Variants in ZDHHC7 observed in about 807,000 individuals in gnomAD.
ZDHHC7 encodes the protein zDHHC palmitoyltransferase 7.
In ZDHHC7, 12 loss-of-function variants were observed where a neutral mutation model predicts 34.1. The observed-to-expected ratio is 0.35, with a 90% CI of 0.23 to 0.57. The LOEUF (loss-of-function observed/expected upper bound fraction) is 0.57, where lower values mean the gene tolerates loss of function less well. Among genes scored for constraint, ZDHHC7 ranks in the 20% least tolerant of loss-of-function variants. ZDHHC7 has a pLI of 0.84. For missense variants in ZDHHC7, 388 were observed against 402.7 expected (o/e 0.96, Z 0.31); for synonymous variants, 185 against 155.4 (o/e 1.19, Z -1.42).
chr16:85,015,718 C>A (rs1451999317), upstream of ZDHHC7, among the ~76,000 whole-genome samples: 1 of 151,912 alleles, frequency 6.6e-6, no homozygotes, highest in African/African-American at 2.4e-5. Context: ...GGTGGCGTAT[C>A]CCTGTAGTCC....
In ZDHHC7 at chr16:85,002,123, A is replaced by G. The variant is rs538654703; in HGVS notation, c.-103-6116T>C. Among the ~76,000 whole-genome samples the G allele has an allele frequency of 3.9e-5, 6 of 152,290 alleles. No homozygotes were observed. The South Asian group carries it at 1.2e-3, about 32-fold the overall frequency. ...TGCTTTATAACCCGAAGCATCAAGT[A>G]AACATGCACGAGTCCAGACTGATAT... On this transcript the variant is annotated intron_variant, in intron 1 of 7. Transcript: ENST00000313732.
chr16:84,988,905 A>G, intron 3 of ZDHHC7: 1 of 1,547,466 alleles, frequency 6.5e-7, no homozygotes, highest in Non-Finnish European at 8.7e-7. Context: ...AAAATCGCTG[A>G]GCTGGACCTG....
intron 3 of ZDHHC7, among the ~76,000 whole-genome samples, chr16:84,985,088 T>A (rs2072419591): frequency 6.6e-6 from 1 of 152,216 alleles, no homozygotes; most frequent in South Asian, 2.1e-4. Flanking sequence ...CCCACTCATC[T>A]TCTTGTGGGA....
At chr16:85,004,805 T>C (rs1237066932) in intron 1 of ZDHHC7, 1 of 152,156 alleles carries the variant, frequency 6.6e-6, no homozygotes, top group Non-Finnish European at 1.5e-5. Context: ...TGATAAGATC[T>C]GCCAGGGGAG....
rs886383614 is a variant in ZDHHC7, at chr16:84,995,964, T to C, written c.-60A>G. ...AACATCACTTGAACATTTTGTGCCG[T>C]TTCTTCAGGATCTTAAGGTGCATAC... On this transcript the variant is annotated 5_prime_UTR_variant, in exon 2 of 8. Transcript: ENST00000313732. 6.6e-6 allele frequency: 1 copy of C among 152,248 alleles called. No homozygotes were observed. Among genetic ancestry groups the C allele is most frequent in the Non-Finnish European group, 1.5e-5 (1 of 68,044 alleles). 9.4% of individuals were successfully genotyped at this position (152,248 alleles called of 1,614,324 possible).
the ZDHHC7 span, among the ~76,000 whole-genome samples, chr16:85,027,504 G>C: frequency 6.6e-6 from 1 of 152,142 alleles, no homozygotes; most frequent in Non-Finnish European, 1.5e-5. Flanking sequence ...TCACCTGTTT[G>C]CACCGGGCCT....
chr16:84,986,636 A>C (rs1017315267), intron 3 of ZDHHC7, among the ~76,000 whole-genome samples: 22 of 152,122 alleles, frequency 1.4e-4, no homozygotes, highest in Admixed American at 1.4e-3. Context: ...AGCAGGGTTC[A>C]TTGCTCTATC....
intron 4 of ZDHHC7, among the ~76,000 whole-genome samples, chr16:84,980,233 G>T (rs2072350363): frequency 6.6e-6 from 1 of 151,502 alleles, no homozygotes; most frequent in Admixed American, 6.6e-5. Flanking sequence ...CCAAAGTGCT[G>T]GGATTACAGG....
At chr16:84,984,639 T>C (rs1051350984) in intron 3 of ZDHHC7, among the ~76,000 whole-genome samples, 2 of 152,124 alleles carry the variant, frequency 1.3e-5, no homozygotes, top group Non-Finnish European at 2.9e-5. Context: ...ACACATTGGG[T>C]GATCCTCAGG....
At chr16:85,013,391 C>G (rs141992547), upstream of ZDHHC7, among the ~76,000 whole-genome samples, 1 of 151,968 alleles carries the variant, frequency 6.6e-6, no homozygotes, top group African/African-American at 2.4e-5. Flanking sequence ...TACAGGGGCC[C>G]GCCACCACGT....
chr16:85,015,235 G>C (rs747629896), upstream of ZDHHC7, among the ~76,000 whole-genome samples: 1 of 151,870 alleles, frequency 6.6e-6, no homozygotes, highest in Non-Finnish European at 1.5e-5. Context: ...AAGTAGCTGG[G>C]ATTACAGGCG....
rs1255789467 is a variant in ZDHHC7 at position 84,990,450 on chromosome 16, G to A, written c.169C>T (p.Leu57=). The A allele has an allele frequency of 2.5e-6, 4 of 1,614,174 alleles. No individual in the cohort carries two copies. The highest frequency in any genetic ancestry group is 3.4e-6 in the Non-Finnish European group (4 of 1,180,022). ...GMICAVMTWL[L]VAYADFVVTF... The stretch of plus-strand genomic sequence containing the variant: ...ACCACGAAGTCTGCATAGGCGACCA[G>A]AAGCCACGTCATGACAGCACAGATC... Residue 57 remains leucine, a synonymous_variant, in exon 3 of 8, where the codon CTG becomes TTG. Transcript: ENST00000313732.
At chr16:85,012,419 A>C (rs758114894), upstream of ZDHHC7, among the ~76,000 whole-genome samples, 5 of 151,886 alleles carry the variant, frequency 3.3e-5, no homozygotes, top group Non-Finnish European at 5.9e-5. Flanking sequence ...TTAAAATAAA[A>C]TTATGACTCT....
chr16:84,987,175 C>T (rs1284539927), intron 3 of ZDHHC7, among the ~76,000 whole-genome samples: 2 of 152,228 alleles, frequency 1.3e-5, no homozygotes, highest in South Asian at 2.1e-4. Context: ...TGGGGCTCTG[C>T]GTACTCCCCC....
At chr16:85,010,496 G>C (rs1244948745) in intron 1 of ZDHHC7, among the ~76,000 whole-genome samples, 1 of 152,090 alleles carries the variant, frequency 6.6e-6, no homozygotes, top group East Asian at 1.9e-4. Context: ...AGATAAATAC[G>C]TGCGCTTAAG....
the ZDHHC7 span, among the ~76,000 whole-genome samples, chr16:85,021,605 C>G: frequency 6.6e-6 from 1 of 151,854 alleles, no homozygotes; most frequent in Non-Finnish European, 1.5e-5. Flanking sequence ...ATAATCCCAG[C>G]TACTCAGAAG....
At chr16:84,979,949 CTTTTTTTTT>C (rs561019555) in intron 4 of ZDHHC7, among the ~76,000 whole-genome samples, 2 of 96,008 alleles carry the variant, frequency 2.1e-5, no homozygotes, top group African/African-American at 4.4e-5. Context: ...ATAGCGTCAC[CTTTTTTTTT>C]TTTTTTTTTT....
intron 3 of ZDHHC7, among the ~76,000 whole-genome samples, chr16:84,985,109 G>C (rs1015904024): frequency 6.6e-6 from 1 of 152,140 alleles, no homozygotes; most frequent in African/African-American, 2.4e-5. Flanking sequence ...CTGACCATAG[G>C]CTCCAGGCCA....
At chr16:85,005,960 A>G (rs2072712026) in intron 1 of ZDHHC7, among the ~76,000 whole-genome samples, 1 of 151,910 alleles carries the variant, frequency 6.6e-6, no homozygotes, top group Admixed American at 6.6e-5. Context: ...CTTTCCCACA[A>G]CCCAAATTTA....
Sources: allele counts gnomAD v4.1 joint callset (sites outside exome capture counted in the v4.1 genomes callset), GRCh38; gene constraint gnomAD v4.1.1; transcripts MANE v1.5; gene names NCBI Gene and HGNC (gene_info 2026-07-23, HGNC 2026-07-21).